Variants in DPP10 observed in about 807,000 individuals in gnomAD.
DPP10 encodes inactive dipeptidyl peptidase 10.
DPP10 carries 33 observed loss-of-function variants against 120.9 expected under a neutral mutation model. The observed-to-expected ratio is 0.27, with a 90% CI of 0.21 to 0.37. The LOEUF (loss-of-function observed/expected upper bound fraction) is 0.37, where lower values mean the gene tolerates loss of function less well. Among genes scored for constraint, DPP10 ranks in the 10% least tolerant of loss-of-function variants. DPP10 has a pLI of 1.00. For synonymous variants in DPP10, 337 were observed against 326.1 expected (o/e 1.03, Z -0.36); for missense variants, 816 against 942.8 (o/e 0.87, Z 1.76).
At chr2:115,104,757 C>T (rs968066507) in intron 1 of DPP10, among the ~76,000 whole-genome samples, 1 of 152,176 alleles carries the variant, frequency 6.6e-6, no homozygotes, top group African/African-American at 2.4e-5. Context: ...CCTATAATCC[C>T]AGTGCTCTGG....
chr2:114,754,215 C>G (rs1021448849), intron 1 of DPP10, among the ~76,000 whole-genome samples: 2 of 152,110 alleles, frequency 1.3e-5, no homozygotes, highest in Non-Finnish European at 2.9e-5. Flanking sequence ...GGATGGGGAA[C>G]AGCATGGGCC....
chr2:115,338,717 A>G (rs1233851765), intron 2 of DPP10, among the ~76,000 whole-genome samples: 3 of 152,220 alleles, frequency 2.0e-5, no homozygotes, highest in Non-Finnish European at 4.4e-5. Flanking sequence ...TTAGTCATCC[A>G]TAGACACAAA....
intron 1 of DPP10, among the ~76,000 whole-genome samples, chr2:114,496,602 T>C (rs1423740013): frequency 6.6e-6 from 1 of 152,070 alleles, no homozygotes; most frequent in Non-Finnish European, 1.5e-5. Context: ...ATCCTCATGA[T>C]CTAATCACCT....
At chr2:115,099,664 T>A (rs1420400599) in intron 1 of DPP10, among the ~76,000 whole-genome samples, 1 of 152,178 alleles carries the variant, frequency 6.6e-6, no homozygotes, top group East Asian at 1.9e-4. Context: ...AGCTCACATA[T>A]TCATGTATTA....
chr2:115,806,827 T>C (rs979137358), intron 19 of DPP10, among the ~76,000 whole-genome samples: 4 of 152,086 alleles, frequency 2.6e-5, no homozygotes, highest in Non-Finnish European at 5.9e-5. Context: ...TGTTCTATTT[T>C]TTATCTAAAT....
intron 1 of DPP10, among the ~76,000 whole-genome samples, chr2:114,594,574 C>T (rs1356723585): frequency 6.8e-6 from 1 of 147,266 alleles, no homozygotes; most frequent in South Asian, 2.1e-4. Flanking sequence ...TACATATATA[C>T]ATATATATCT....
At chr2:115,192,981 A>T (rs915653753) in intron 1 of DPP10, among the ~76,000 whole-genome samples, 5 of 151,982 alleles carry the variant, frequency 3.3e-5, no homozygotes, top group South Asian at 4.1e-4. Context: ...CAAAAAAAAA[A>T]TTTTTAACCT....
intron 3 of DPP10, among the ~76,000 whole-genome samples, chr2:115,401,600 A>G (rs140843524): frequency 6.6e-6 from 1 of 152,208 alleles, no homozygotes; most frequent in African/African-American, 2.4e-5. Context: ...AAATGAATAG[A>G]TAAATAGACG....
At chr2:115,284,369 T>C (rs912366602) in intron 1 of DPP10, among the ~76,000 whole-genome samples, 4 of 152,006 alleles carry the variant, frequency 2.6e-5, no homozygotes, top group Non-Finnish European at 5.9e-5. Flanking sequence ...TTATAAATAA[T>C]GCATTATCTT....
intron 1 of DPP10, among the ~76,000 whole-genome samples, chr2:114,630,332 A>G (rs1694827122): frequency 6.6e-6 from 1 of 152,178 alleles, no homozygotes; most frequent in Non-Finnish European, 1.5e-5. Flanking sequence ...GGAACTAGAA[A>G]TATAGGCAGG....
chr2:115,021,627 TAGAG>T (rs1703080904), intron 1 of DPP10, among the ~76,000 whole-genome samples: 1 of 151,968 alleles, frequency 6.6e-6, no homozygotes, highest in Non-Finnish European at 1.5e-5. Flanking sequence ...TTCCAAAAGA[TAGAG>T]AAAGAGGGAA....
chr2:114,776,686 A>C (rs1681774763), intron 1 of DPP10, among the ~76,000 whole-genome samples: 1 of 152,180 alleles, frequency 6.6e-6, no homozygotes, highest in African/African-American at 2.4e-5. Context: ...AAAAGATCAA[A>C]AAATTTGTTG....
chr2:115,425,734 A>T (rs534415509), intron 3 of DPP10, among the ~76,000 whole-genome samples: 1 of 152,318 alleles, frequency 6.6e-6, no homozygotes, highest in South Asian at 2.1e-4. Flanking sequence ...ATAAAGAAAT[A>T]CCTGAGACTG....
intron 2 of DPP10, among the ~76,000 whole-genome samples, chr2:115,311,074 C>G (rs2061556705): frequency 6.6e-6 from 1 of 152,106 alleles, no homozygotes; most frequent in South Asian, 2.1e-4. Context: ...AGTATAAAAC[C>G]ACAGTGATGA....
intron 3 of DPP10, among the ~76,000 whole-genome samples, chr2:115,431,992 G>A (rs1382331814): frequency 6.6e-6 from 1 of 152,056 alleles, no homozygotes; most frequent in Non-Finnish European, 1.5e-5. Flanking sequence ...CGGGAAATCT[G>A]TATACTGTAT....
rs974171913 is a variant in DPP10, at chr2:114,466,261, T to C, written c.60+23423T>C. ...AAGGCAATCTGATATTGACAATGTGTATTTTATCAATGGAAAATAATAACA... is the reference window on the plus strand; with the variant it reads ...AAGGCAATCTGATATTGACAATGTGCATTTTATCAATGGAAAATAATAACA... On this transcript the variant is annotated intron_variant, in intron 1 of 25. Transcript: ENST00000410059. Among the ~76,000 whole-genome samples the C allele has an allele frequency of 5.9e-5, 9 of 152,236 alleles. No homozygotes were observed. The East Asian group carries it at 1.7e-3, about 29-fold the overall frequency.
intron 1 of DPP10, among the ~76,000 whole-genome samples, chr2:114,812,196 C>G (rs1221813634): frequency 6.6e-6 from 1 of 152,122 alleles, no homozygotes; most frequent in Non-Finnish European, 1.5e-5. Context: ...TTTGCAGGAA[C>G]CTATGGTCTC....
chr2:115,517,016 A>G (rs2077541145), intron 4 of DPP10, among the ~76,000 whole-genome samples: 1 of 152,162 alleles, frequency 6.6e-6, no homozygotes, highest in African/African-American at 2.4e-5. Flanking sequence ...CCTTGATAGC[A>G]GGAATGTCAT....
intron 1 of DPP10, among the ~76,000 whole-genome samples, chr2:115,062,128 CTGTGTGTG>C (rs61413782): frequency 0.022 from 3,220 of 143,944 alleles, 74 homozygotes; most frequent in African/African-American, 0.055. Context: ...GATTACAGTT[CTGTGTGTG>C]TGTGTGTGTG....
Sources: gnomAD v4.1 joint callset for allele counts (sites outside exome capture counted in the v4.1 genomes callset) on GRCh38, gnomAD v4.1.1 for gene constraint, MANE v1.5 for transcripts, NCBI Gene and HGNC (gene_info 2026-07-23, HGNC 2026-07-21) for gene names.